Variants in IFRD1 observed in about 807,000 individuals in gnomAD.
IFRD1 encodes interferon related developmental regulator 1.
In IFRD1, 35 loss-of-function variants were observed where a neutral mutation model predicts 52.9. That is an observed-to-expected ratio of 0.66 (90% confidence interval 0.51 to 0.88). The LOEUF (loss-of-function observed/expected upper bound fraction) is 0.88, where lower values mean the gene tolerates loss of function less well. Among genes scored for constraint, IFRD1 ranks in the 40% least tolerant of loss-of-function variants. The pLI is 0.00. For missense variants in IFRD1, 517 were observed against 550.8 expected (o/e 0.94, Z 0.61); for synonymous variants, 184 against 188.4 (o/e 0.98, Z 0.19).
intron 1 of IFRD1, among the ~76,000 whole-genome samples, chr7:112,426,164 T>C (rs890355822): frequency 3.9e-5 from 6 of 152,044 alleles, no homozygotes; most frequent in African/African-American, 1.4e-4. Context: ...TGAGTTATGA[T>C]TGCACCACTG....
At chr7:112,445,227 C>A (rs967735109) in intron 1 of IFRD1, among the ~76,000 whole-genome samples, 1 of 151,930 alleles carries the variant, frequency 6.6e-6, no homozygotes, top group Non-Finnish European at 1.5e-5. Context: ...CCACCACGCC[C>A]GGCTAATTTT....
chr7:112,451,857 CCT>C (rs1795174285), intron 1 of IFRD1, among the ~76,000 whole-genome samples: 1 of 152,096 alleles, frequency 6.6e-6, no homozygotes, highest in African/African-American at 2.4e-5. Flanking sequence ...CACAGTTGCC[CCT>C]CTGCCACGGC....
chr7:112,445,252 G>T (rs1794996274), intron 1 of IFRD1, among the ~76,000 whole-genome samples: 1 of 151,812 alleles, frequency 6.6e-6, no homozygotes, highest in Admixed American at 6.6e-5. Flanking sequence ...ATTTTTAGTA[G>T]AGACGGGGTT....
intron 8 of IFRD1, among the ~76,000 whole-genome samples, chr7:112,462,739 TCAAA>T (rs1795473339): frequency 6.6e-6 from 1 of 152,102 alleles, no homozygotes; most frequent in Admixed American, 6.6e-5. Context: ...ATAATTAATA[TCAAA>T]CAAATGAATA....
rs1377395252 is a variant in IFRD1 at position 112,476,294 on chromosome 7, T to C, written c.*775T>C. ...AGGGAGACAAAGCTTTATGTGTATA[T>C]TTACAAACATTAAAGTAGATGAAAA... On this transcript the variant is annotated 3_prime_UTR_variant, in exon 12 of 12. Coordinates refer to ENST00000403825, the MANE Select transcript of IFRD1 (RefSeq NM_001550.4). 6.6e-6 allele frequency: 1 copy of C among 152,220 alleles called. No homozygotes were observed. The highest frequency in any genetic ancestry group is 2.4e-5 in the African/African-American group (1 of 41,446). 9.4% of individuals were successfully genotyped at this position (152,220 alleles called of 1,614,324 possible).
At chr7:112,460,157 CTT>C (rs1373857992) in intron 5 of IFRD1, among the ~76,000 whole-genome samples, 1 of 150,312 alleles carries the variant, frequency 6.7e-6, no homozygotes, top group Non-Finnish European at 1.5e-5. Flanking sequence ...TTTTTCCATA[CTT>C]CCAAGTTGCT....
intron 1 of IFRD1, chr7:112,452,194 C>T: frequency 3.5e-6 from 3 of 848,774 alleles, no homozygotes; most frequent in South Asian, 1.1e-4. Flanking sequence ...GAGTCTGGCT[C>T]TGTCGCCCAG....
intron 9 of IFRD1, among the ~76,000 whole-genome samples, chr7:112,471,598 G>C (rs187039593): frequency 6.6e-6 from 1 of 151,988 alleles, no homozygotes; most frequent in Admixed American, 6.6e-5. Context: ...TAATCCATCT[G>C]ACTTCTGTTT....
intron 2 of IFRD1, 37 bp from the exon 3 acceptor site, chr7:112,455,964 CT>C: frequency 6.7e-7 from 1 of 1,491,236 alleles, no homozygotes; most frequent in South Asian, 1.1e-5. Flanking sequence ...TGTTTTTTTT[CT>C]TTTAAATTAC....
At chr7:112,466,104 ATATT>A (rs1279072513) in intron 8 of IFRD1, among the ~76,000 whole-genome samples, 2 of 151,976 alleles carry the variant, frequency 1.3e-5, no homozygotes, top group East Asian at 3.9e-4. Flanking sequence ...GTATATTAAG[ATATT>A]TATTTCTCTG....
intron 8 of IFRD1, among the ~76,000 whole-genome samples, chr7:112,466,854 A>G (rs762113477): frequency 6.6e-6 from 1 of 152,192 alleles, no homozygotes; most frequent in African/African-American, 2.4e-5. Flanking sequence ...CCATCTTGTT[A>G]TGATGCAATC....
At position 112,467,985 on chromosome 7, in the gene IFRD1, T is replaced by G; in HGVS notation, c.911T>G (p.Phe304Cys). Residue 304 changes from phenylalanine (F) to cysteine (C), a missense_variant, in exon 9 of 12, where the codon TTT (phenylalanine) becomes TGT (cysteine). By Grantham distance (205) the Phe-to-Cys change is radical (BLOSUM62 -2). Coordinates refer to ENST00000403825, the MANE Select transcript of IFRD1 (RefSeq NM_001550.4). ...FELARGIESD[F>C]FYEDMESLTQ... is the part of the protein sequence containing the mutation. The stretch of plus-strand genomic sequence containing the variant: ...AAAATTGCTTTTCTTGTCCAGGACT[T>G]TTTTTATGAAGACATGGAGTCCTTG... The G allele has an allele frequency of 6.2e-7, 1 of 1,613,936 alleles. No homozygotes were observed. Among genetic ancestry groups the G allele is most frequent in the Non-Finnish European group, 8.5e-7 (1 of 1,179,874 alleles).
At chr7:112,452,385 C>T (rs1393056010) in intron 1 of IFRD1, 1 of 764,666 alleles carries the variant, frequency 1.3e-6, no homozygotes, top group Non-Finnish European at 1.6e-6. Flanking sequence ...ACGAGTCCCT[C>T]GTCCCCAGGG....
At chr7:112,438,479 T>A (rs1794769800) in intron 1 of IFRD1, among the ~76,000 whole-genome samples, 1 of 151,688 alleles carries the variant, frequency 6.6e-6, no homozygotes, top group Non-Finnish European at 1.5e-5. Flanking sequence ...GAAAGAATAT[T>A]CCTGAATGTT....
At position 112,465,930 on chromosome 7, in the gene IFRD1, C is replaced by T. The variant is rs75492378; in HGVS notation, c.907-2051C>T. Among the ~76,000 whole-genome samples the T allele has an allele frequency of 5.9e-3, 891 of 152,214 alleles. 5 individuals carry two copies. The highest frequency in any genetic ancestry group is 9.2e-3 in the Non-Finnish European group (623 of 68,010). ...GAATTTATTGTCTTTTTAATGCTTA[C>T]AACCATTGTTTGAAAGGTTGGGTAT... On this transcript the variant is annotated intron_variant, in intron 8 of 11. Transcript: ENST00000403825.
At chr7:112,464,548 C>T (rs1472786023) in intron 8 of IFRD1, among the ~76,000 whole-genome samples, 3 of 152,252 alleles carry the variant, frequency 2.0e-5, no homozygotes, top group African/African-American at 7.2e-5. Flanking sequence ...AATTATTAGT[C>T]ACAACCTCAT....
At chr7:112,470,043 T>C (rs902400583) in intron 9 of IFRD1, among the ~76,000 whole-genome samples, 1 of 152,082 alleles carries the variant, frequency 6.6e-6, no homozygotes, top group Non-Finnish European at 1.5e-5. Context: ...ACAAAGGATA[T>C]GTAAACATCT....
intron 8 of IFRD1, among the ~76,000 whole-genome samples, chr7:112,464,506 A>C (rs536604309): frequency 6.6e-6 from 1 of 152,130 alleles, no homozygotes; most frequent in Non-Finnish European, 1.5e-5. Context: ...CAACTTCTCT[A>C]TGCCTCGGTG....
At chr7:112,455,668 TG>T in intron 1 of IFRD1, 94 bp from the exon 2 acceptor site, 1 of 795,396 alleles carries the variant, frequency 1.3e-6, no homozygotes, top group East Asian at 2.6e-5. Context: ...GTTTTATTAC[TG>T]GATTTCTCTT....
Sources: gnomAD v4.1 joint callset for allele counts (sites outside exome capture counted in the v4.1 genomes callset) on GRCh38, gnomAD v4.1.1 for gene constraint, MANE v1.5 for transcripts, NCBI Gene and HGNC (gene_info 2026-07-23, HGNC 2026-07-21) for gene names.